TLN2: variants seen among roughly 807,000 people sequenced by gnomAD.
TLN2 encodes talin-2.
A neutral mutation model predicts 294.7 loss-of-function variants in TLN2; 118 were observed. The observed-to-expected ratio is 0.40, with a 90% CI of 0.34 to 0.47. The LOEUF is 0.47. Ranked by LOEUF, TLN2 falls within the 20% of genes least tolerant of loss-of-function variation. The pLI is 0.84. For synonymous variants in TLN2, 1,431 were observed against 1,304.5 expected, an observed-to-expected ratio of 1.10 and a Z score of -2.09; for missense variants, 3,083 against 3,282.2, an observed-to-expected ratio of 0.94 and a Z score of 1.48.
intron 45 of TLN2, among the ~76,000 whole-genome samples, chr15:62,786,412 G>C (rs376074373): frequency 4.4e-4 from 67 of 152,266 alleles, no homozygotes; most frequent in African/African-American, 1.5e-3. Context: ...ATTTTTCATG[G>C]AAAATTCAAG....
chr15:62,550,778 A>G (rs1187711490), intron 1 of TLN2, among the ~76,000 whole-genome samples: 3 of 152,088 alleles, frequency 2.0e-5, no homozygotes. Context: ...GGAGTTCCCC[A>G]TCTCATGGAT....
chr15:62,584,551 C>A (rs2045428494), intron 1 of TLN2, among the ~76,000 whole-genome samples: 1 of 152,208 alleles, frequency 6.6e-6, no homozygotes, highest in Admixed American at 6.5e-5. Context: ...GCTGGAAAGT[C>A]AGTGCAGGGA....
intron 12 of TLN2, among the ~76,000 whole-genome samples, chr15:62,691,731 G>C (rs1476864384): frequency 7.2e-5 from 11 of 152,058 alleles, no homozygotes; most frequent in Non-Finnish European, 2.9e-5. Flanking sequence ...GCCCAAGCTG[G>C]AGTGTAGTGG....
chr15:62,453,292 G>C lies in TLN2; in HGVS notation c.-238+62607G>C, dbSNP rs117889277. Among the ~76,000 whole-genome samples the C allele has an allele frequency of 2.4e-3, 364 of 150,978 alleles. 1 individual carries two copies. Among genetic ancestry groups the C allele is most frequent in the Non-Finnish European group, 3.8e-3 (256 of 67,906 alleles). On this transcript the variant is annotated intron_variant, in intron 1 of 58. Transcript: ENST00000636159. ...TTTTTTTTGGTAGAATATTAACTTGGATCCTAAAAGTAGGATTGGAAAGTA... is the reference window on the plus strand; with the variant it reads ...TTTTTTTTGGTAGAATATTAACTTGCATCCTAAAAGTAGGATTGGAAAGTA...
chr15:62,471,839 T>C (rs962536372), intron 1 of TLN2, among the ~76,000 whole-genome samples: 1 of 152,118 alleles, frequency 6.6e-6, no homozygotes, highest in Non-Finnish European at 1.5e-5. Flanking sequence ...TGCAGGCAGG[T>C]GCACAGCCCA....
intron 3 of TLN2, among the ~76,000 whole-genome samples, chr15:62,635,550 A>T (rs1049212425): frequency 1.3e-5 from 2 of 152,220 alleles, no homozygotes; most frequent in Non-Finnish European, 2.9e-5. Context: ...TATTGGAAGG[A>T]AATGTGTCCA....
At chr15:62,751,413 G>A (rs1393694628) in intron 34 of TLN2, among the ~76,000 whole-genome samples, 1 of 152,156 alleles carries the variant, frequency 6.6e-6, no homozygotes, top group Admixed American at 6.5e-5. Context: ...ATTGTCTAAG[G>A]GAAAGATGCA....
chr15:62,487,027 T>G (rs1392600877), intron 1 of TLN2, among the ~76,000 whole-genome samples: 1 of 152,172 alleles, frequency 6.6e-6, no homozygotes, highest in Non-Finnish European at 1.5e-5. Flanking sequence ...GTGTTCACAG[T>G]GGGTTCCCTT....
At chr15:62,555,143 G>A (rs1418979454) in intron 1 of TLN2, among the ~76,000 whole-genome samples, 4 of 152,184 alleles carry the variant, frequency 2.6e-5, no homozygotes, top group Non-Finnish European at 2.9e-5. Flanking sequence ...CCTTTGAAGT[G>A]CGAAGCTTTT....
chr15:62,810,644 C>T (rs1454932067), intron 52 of TLN2, among the ~76,000 whole-genome samples: 1 of 152,094 alleles, frequency 6.6e-6, no homozygotes, highest in Non-Finnish European at 1.5e-5. Context: ...GTGGGAGCCT[C>T]AGTTTGTGCA....
intron 32 of TLN2, among the ~76,000 whole-genome samples, chr15:62,745,500 A>G (rs969277623): frequency 3.3e-5 from 5 of 152,128 alleles, no homozygotes; most frequent in African/African-American, 1.2e-4. Context: ...AAGTCCCTTC[A>G]CCTTTTAATA....
intron 5 of TLN2, 38 bp downstream of exon 5, chr15:62,650,219 T>A: frequency 6.2e-7 from 1 of 1,605,256 alleles, no homozygotes. Context: ...TTCATCCCTT[T>A]GTCCCTGGGC....
intron 1 of TLN2, among the ~76,000 whole-genome samples, chr15:62,491,386 A>ACT (rs1221514137): frequency 1.9e-4 from 24 of 129,372 alleles, no homozygotes; most frequent in Admixed American, 3.1e-4. Flanking sequence ...ACACACACAC[A>ACT]CACACACACA....
At chr15:62,720,490 C>T (rs1302187385) in intron 25 of TLN2, among the ~76,000 whole-genome samples, 2 of 152,150 alleles carry the variant, frequency 1.3e-5, no homozygotes, top group Non-Finnish European at 2.9e-5. Context: ...TGAGGTGGGT[C>T]AATTCCTCAT....
chr15:62,578,827 TAGTC>T (rs534719877), intron 1 of TLN2, among the ~76,000 whole-genome samples: 127 of 152,306 alleles, frequency 8.3e-4, no homozygotes, highest in African/African-American at 1.4e-3. Flanking sequence ...ATGGAGGACT[TAGTC>T]AGGGAGCAAG....
At chr15:62,515,931 C>T (rs747407222) in intron 1 of TLN2, among the ~76,000 whole-genome samples, 2 of 152,120 alleles carry the variant, frequency 1.3e-5, no homozygotes, top group African/African-American at 2.4e-5. Flanking sequence ...TGCAGTAGCT[C>T]GCTGCTGCTG....
Position 62,544,927 on chromosome 15 carries a change from T to C in TLN2, c.-237-44760T>C, listed in dbSNP as rs183092021. On this transcript the variant is annotated intron_variant, in intron 1 of 58. Coordinates refer to ENST00000636159, the MANE Select transcript of TLN2 (RefSeq NM_015059.3). ...CTTGTGCTAAGTGGAGATTTGGGGA[T>C]GACCTCACTTTTTTTTTTTTGAGAC... 2.1e-3 allele frequency among the ~76,000 whole-genome samples: 315 copies of C among 152,108 alleles called. 3 individuals are homozygous for C. Among genetic ancestry groups the C allele is most frequent in the African/African-American group, 7.3e-3 (302 of 41,504 alleles).
intron 1 of TLN2, among the ~76,000 whole-genome samples, chr15:62,559,114 G>T (rs1193967554): frequency 6.6e-6 from 1 of 152,176 alleles, no homozygotes; most frequent in Non-Finnish European, 1.5e-5. Context: ...TCACTGAGAA[G>T]GCAGGAGAGG....
At chr15:62,720,514 A>G (rs1304635058) in intron 25 of TLN2, among the ~76,000 whole-genome samples, 1 of 152,166 alleles carries the variant, frequency 6.6e-6, no homozygotes, top group Admixed American at 6.5e-5. Flanking sequence ...TTTCTAGTTC[A>G]ACTGATAGTT....
Sources: gnomAD v4.1 joint callset for allele counts (sites outside exome capture counted in the v4.1 genomes callset) on GRCh38, gnomAD v4.1.1 for gene constraint, MANE v1.5 for transcripts, NCBI Gene and HGNC (gene_info 2026-07-23, HGNC 2026-07-21) for gene names.